Variants in LRMDA observed in about 807,000 individuals in gnomAD.
The protein encoded by LRMDA is leucine rich melanocyte differentiation associated.
Under a neutral mutation model 29.8 loss-of-function variants are expected in LRMDA, and 18 were observed. The observed-to-expected ratio is 0.60, with a 90% CI of 0.42 to 0.90. The LOEUF (loss-of-function observed/expected upper bound fraction) is 0.90. LRMDA is among the 40% of genes least tolerant of loss of function. LRMDA has a pLI of 0.00. For synonymous variants in LRMDA, 125 were observed against 109.4 expected (o/e 1.14, Z -0.89); for missense variants, 273 against 273.9 (o/e 1.00, Z 0.02).
chr10:75,653,606 C>T (rs1211912030), intron 2 of LRMDA, among the ~76,000 whole-genome samples: 1 of 152,146 alleles, frequency 6.6e-6, no homozygotes, highest in Non-Finnish European at 1.5e-5. Flanking sequence ...TGGGAGAGTG[C>T]CTGTGGGTTG....
At chr10:76,266,383 C>A (rs1840006887) in intron 5 of LRMDA, among the ~76,000 whole-genome samples, 2 of 152,132 alleles carry the variant, frequency 1.3e-5, no homozygotes, top group Non-Finnish European at 2.9e-5. Flanking sequence ...GGAAGGCTGA[C>A]AATTTCTTAT....
chr10:76,241,905 G>A (rs918669368), intron 5 of LRMDA: 10 of 152,210 alleles, frequency 6.6e-5, no homozygotes, highest in Non-Finnish European at 1.3e-4. Context: ...AACCTCACAG[G>A]ATGGTTGTGA....
chr10:76,063,780 T>G (rs1386721533), intron 5 of LRMDA, among the ~76,000 whole-genome samples: 1 of 152,182 alleles, frequency 6.6e-6, no homozygotes, highest in Non-Finnish European at 1.5e-5. Flanking sequence ...CTCTTGGAGT[T>G]AGGTCCTCAC....
intron 5 of LRMDA, among the ~76,000 whole-genome samples, chr10:76,253,953 T>C (rs142031517): frequency 5.5e-4 from 84 of 152,276 alleles, no homozygotes; most frequent in African/African-American, 1.7e-3. Flanking sequence ...ATGGAGAAAA[T>C]AATGACAAAA....
intron 2 of LRMDA, among the ~76,000 whole-genome samples, chr10:75,871,209 C>T (rs1334400356): frequency 2.0e-5 from 3 of 152,178 alleles, no homozygotes; most frequent in Non-Finnish European, 2.9e-5. Context: ...CCTTGGCTCA[C>T]CTCTGGTTTC....
intron 5 of LRMDA, among the ~76,000 whole-genome samples, chr10:76,238,470 A>ACC (rs571091753): frequency 1.8e-4 from 26 of 145,910 alleles, no homozygotes; most frequent in African/African-American, 5.8e-4. Flanking sequence ...AGGAATAAGG[A>ACC]CCCCCCCGCC....
chr10:75,637,880 A>G (rs1841407423), intron 2 of LRMDA, among the ~76,000 whole-genome samples: 1 of 152,140 alleles, frequency 6.6e-6, no homozygotes, highest in African/African-American at 2.4e-5. Flanking sequence ...CCTGACAGCA[A>G]CCCCATTTGC....
At chr10:76,253,708 A>T (rs1183729283) in intron 5 of LRMDA, among the ~76,000 whole-genome samples, 1 of 152,144 alleles carries the variant, frequency 6.6e-6, no homozygotes, top group Admixed American at 6.5e-5. Flanking sequence ...CAACAAAAAT[A>T]TTTGCCCAAA....
intron 6 of LRMDA, among the ~76,000 whole-genome samples, chr10:76,344,581 G>A (rs952255635): frequency 2.6e-5 from 4 of 151,914 alleles, no homozygotes; most frequent in Non-Finnish European, 5.9e-5. Context: ...GATAATAGCT[G>A]GGATTATTTT....
intron 4 of LRMDA, among the ~76,000 whole-genome samples, chr10:76,053,009 G>A (rs1848554767): frequency 6.6e-6 from 1 of 152,208 alleles, no homozygotes; most frequent in Non-Finnish European, 1.5e-5. Flanking sequence ...GTCTCCGGGT[G>A]TCGCAGGATT....
At chr10:76,359,979 ATTTCTT>A (rs1841291460) in intron 6 of LRMDA, among the ~76,000 whole-genome samples, 1 of 151,864 alleles carries the variant, frequency 6.6e-6, no homozygotes, top group African/African-American at 2.4e-5. Flanking sequence ...GTCCAGTGGC[ATTTCTT>A]TTTCTTTTGT....
intron 6 of LRMDA, among the ~76,000 whole-genome samples, chr10:76,520,962 AAT>A (rs1589223566): frequency 6.6e-6 from 1 of 152,204 alleles, no homozygotes; most frequent in South Asian, 2.1e-4. Flanking sequence ...TTTGATAAAA[AAT>A]AGAGACATAT....
Position 75,534,912 on chromosome 10 carries a change from A to T in LRMDA, c.131+96418A>T, listed in dbSNP as rs80244420. On this transcript the variant is annotated intron_variant, in intron 2 of 6. Coordinates refer to ENST00000611255, the MANE Select transcript of LRMDA (RefSeq NM_001305581.2). ...GGAAAGTCTTGCTAGTATGAGCTTA[A>T]ACTATACACCAGAATTTCTCTATAC... 2.9e-3 allele frequency among the ~76,000 whole-genome samples: 443 copies of T among 152,284 alleles called. 4 individuals are homozygous for T. The highest frequency in any genetic ancestry group is 0.01 in the African/African-American group (416 of 41,556).
At chr10:75,624,616 T>A (rs1841228724) in intron 2 of LRMDA, among the ~76,000 whole-genome samples, 1 of 152,144 alleles carries the variant, frequency 6.6e-6, no homozygotes, top group African/African-American at 2.4e-5. Context: ...GATGATAGAA[T>A]AATATAAAGA....
intron 1 of LRMDA, among the ~76,000 whole-genome samples, chr10:75,438,046 G>C (rs950222090): frequency 8.5e-5 from 13 of 152,226 alleles, no homozygotes; most frequent in African/African-American, 3.1e-4. Flanking sequence ...AGGAGCAACT[G>C]TTGCAAAAGC....
chr10:76,116,246 A>C (rs1849666784), intron 5 of LRMDA, among the ~76,000 whole-genome samples: 1 of 152,178 alleles, frequency 6.6e-6, no homozygotes. Flanking sequence ...ACACCTATAC[A>C]TTGTCTTGAC....
intron 2 of LRMDA, among the ~76,000 whole-genome samples, chr10:75,780,134 G>A (rs961095365): frequency 6.6e-6 from 1 of 152,168 alleles, no homozygotes; most frequent in African/African-American, 2.4e-5. Context: ...GCCTTTGGAG[G>A]GGATGTGACC....
chr10:76,335,377 A>G (rs572628755), intron 6 of LRMDA, among the ~76,000 whole-genome samples: 8 of 152,332 alleles, frequency 5.3e-5, no homozygotes, highest in African/African-American at 1.7e-4. Context: ...CACAGAATAC[A>G]AGGGAAGTAG....
intron 1 of LRMDA, among the ~76,000 whole-genome samples, chr10:75,432,361 C>G (rs908014060): frequency 6.6e-6 from 1 of 152,176 alleles, no homozygotes; most frequent in African/African-American, 2.4e-5. Flanking sequence ...TTTCCACACT[C>G]GATTTCTTGA....
Sources: gnomAD v4.1 joint callset for allele counts (sites outside exome capture counted in the v4.1 genomes callset) on GRCh38, gnomAD v4.1.1 for gene constraint, MANE v1.5 for transcripts, NCBI Gene and HGNC (gene_info 2026-07-23, HGNC 2026-07-21) for gene names.